Variants in SNX29 observed in about 807,000 individuals in gnomAD.
The protein encoded by SNX29 is sorting nexin 29.
A neutral mutation model predicts 102.1 loss-of-function variants in SNX29; 78 were observed. The observed-to-expected ratio is 0.76, with a 90% CI of 0.64 to 0.92. SNX29 has a LOEUF of 0.92. Ranked by LOEUF, SNX29 falls within the 40% of genes least tolerant of loss-of-function variation. The pLI is 0.00. For synonymous variants in SNX29, 580 were observed against 414.5 expected (o/e 1.40, Z -4.85); for missense variants, 1,280 against 1,061.7 (o/e 1.21, Z -2.86).
intron 15 of SNX29, among the ~76,000 whole-genome samples, chr16:12,331,761 A>C (rs2081298215): frequency 6.6e-6 from 1 of 152,196 alleles, no homozygotes; most frequent in African/African-American, 2.4e-5. Context: ...CATGTTGGCC[A>C]GGCTGGTCTT....
At chr16:12,506,147 G>C (rs1031732902) in intron 19 of SNX29, among the ~76,000 whole-genome samples, 1 of 152,162 alleles carries the variant, frequency 6.6e-6, no homozygotes, top group Non-Finnish European at 1.5e-5. Flanking sequence ...TTTTAGTAGA[G>C]ACGGAGTTTC....
At chr16:12,504,790 A>T (rs1004521041) in intron 19 of SNX29, among the ~76,000 whole-genome samples, 1 of 152,248 alleles carries the variant, frequency 6.6e-6, no homozygotes, top group African/African-American at 2.4e-5. Context: ...GATAGTATAT[A>T]TAAGGTTTGG....
chr16:12,289,027 G>A (rs1345231041), intron 15 of SNX29, among the ~76,000 whole-genome samples: 1 of 152,210 alleles, frequency 6.6e-6, no homozygotes, highest in Non-Finnish European at 1.5e-5. Flanking sequence ...GAAAATGAAT[G>A]CAGTGACAAA....
intron 20 of SNX29, among the ~76,000 whole-genome samples, chr16:12,560,030 G>A (rs946406110): frequency 1.3e-5 from 2 of 152,028 alleles, no homozygotes; most frequent in African/African-American, 4.8e-5. Flanking sequence ...GACTTAGTAT[G>A]ACAAATACAC....
chr16:12,191,670 G>A (rs2076646368), intron 13 of SNX29, among the ~76,000 whole-genome samples: 1 of 152,334 alleles, frequency 6.6e-6, no homozygotes, highest in Admixed American at 6.5e-5. Context: ...TGGAGTTAGG[G>A]TCAGAAGAGA....
At position 12,048,388 on chromosome 16, in the gene SNX29, CTT is replaced by C. The variant is rs1567562836; in HGVS notation, c.518_519del (p.Phe173CysfsTer3). ...TMAAGLNSIL[F>X]AINIDNKDLN... ...TTTGGGCAGGTCTGAACTCCATACTCTTTGCGATTAACATCGACAACAAGGAT... is the reference window on the plus strand; with the variant it reads ...TTTGGGCAGGTCTGAACTCCATACTCTGCGATTAACATCGACAACAAGGAT... On this transcript the variant is annotated frameshift_variant, in exon 7 of 21. Transcript: ENST00000566228. LOFTEE classifies it high-confidence loss of function. The C allele has an allele frequency of 1.2e-6, 2 of 1,613,906 alleles. No individual in the cohort carries two copies. The highest frequency in any genetic ancestry group is 1.1e-5 in the South Asian group (1 of 91,064).
chr16:12,480,174 T>C (rs2087840473), intron 19 of SNX29, among the ~76,000 whole-genome samples: 1 of 152,190 alleles, frequency 6.6e-6, no homozygotes, highest in Non-Finnish European at 1.5e-5. Flanking sequence ...TCCCCACAAA[T>C]GCAGGGACTA....
intron 1 of SNX29, among the ~76,000 whole-genome samples, chr16:11,981,201 C>G (rs2055405751): frequency 6.6e-6 from 1 of 152,060 alleles, no homozygotes; most frequent in African/African-American, 2.4e-5. Context: ...AACTCCTGGC[C>G]TCAAGTGGTC....
At chr16:12,239,237 G>A (rs1461941410) in intron 14 of SNX29, among the ~76,000 whole-genome samples, 1 of 152,178 alleles carries the variant, frequency 6.6e-6, no homozygotes, top group Non-Finnish European at 1.5e-5. Context: ...GATGTTCATT[G>A]CGTTCATTGT....
At chr16:12,287,588 A>G (rs1443099701) in intron 15 of SNX29, among the ~76,000 whole-genome samples, 1 of 152,250 alleles carries the variant, frequency 6.6e-6, no homozygotes, top group Non-Finnish European at 1.5e-5. Context: ...ATATATTGGT[A>G]GTAAACTACA....
At chr16:12,337,773 C>T (rs1206406867) in intron 15 of SNX29, among the ~76,000 whole-genome samples, 1 of 152,146 alleles carries the variant, frequency 6.6e-6, no homozygotes. Flanking sequence ...GGACAATGGC[C>T]TCATGGAGAA....
chr16:12,127,372 C>A (rs898032798), intron 12 of SNX29, among the ~76,000 whole-genome samples: 7 of 151,970 alleles, frequency 4.6e-5, no homozygotes, highest in Admixed American at 2.6e-4. Context: ...ATTTCATCAC[C>A]CCCGAAAGAA....
intron 19 of SNX29, among the ~76,000 whole-genome samples, 185 bp downstream of exon 19, chr16:12,478,044 G>A (rs1431402614): frequency 2.0e-5 from 3 of 152,186 alleles, no homozygotes; most frequent in Non-Finnish European, 2.9e-5. Context: ...TCACCATTAC[G>A]TCATGTGTGT....
At chr16:12,236,563 G>A (rs1252995168) in intron 14 of SNX29, among the ~76,000 whole-genome samples, 1 of 152,148 alleles carries the variant, frequency 6.6e-6, no homozygotes, top group Non-Finnish European at 1.5e-5. Flanking sequence ...CACCTACTCT[G>A]GAAAGACTCT....
intron 11 of SNX29, chr16:12,088,187 T>C (rs1567195788): frequency 4.4e-6 from 2 of 450,812 alleles, no homozygotes; most frequent in African/African-American, 4.0e-5. Flanking sequence ...GGCAGAAAGC[T>C]AGAGAGAGAC....
chr16:12,343,755 C>T (rs557953226), intron 15 of SNX29, among the ~76,000 whole-genome samples: 19 of 152,112 alleles, frequency 1.2e-4, no homozygotes, highest in South Asian at 1.0e-3. Context: ...CACACTGATG[C>T]CCAGAGCTCA....
chr16:12,054,031 G>T (rs1387451205), intron 8 of SNX29, among the ~76,000 whole-genome samples: 2 of 151,090 alleles, frequency 1.3e-5, no homozygotes, highest in African/African-American at 2.4e-5. Flanking sequence ...GCAGTGGCGT[G>T]ATCTCGGCTC....
intron 5 of SNX29, 89 bp from the exon 6 acceptor site, chr16:12,046,295 T>C: frequency 7.4e-7 from 1 of 1,345,210 alleles, no homozygotes; most frequent in Non-Finnish European, 1.1e-6. Flanking sequence ...GGTGCAGATC[T>C]TCCAGGGAGC....
chr16:12,454,488 G>A (rs1482421852), intron 18 of SNX29, among the ~76,000 whole-genome samples: 3 of 152,174 alleles, frequency 2.0e-5, no homozygotes, highest in South Asian at 4.1e-4. Context: ...ATAGCACATG[G>A]CGTTTAGGGA....
Sources: gnomAD v4.1 joint callset for allele counts (sites outside exome capture counted in the v4.1 genomes callset) on GRCh38, gnomAD v4.1.1 for gene constraint, MANE v1.5 for transcripts, NCBI Gene and HGNC (gene_info 2026-07-23, HGNC 2026-07-21) for gene names.